TWF1: variants seen among roughly 807,000 people sequenced by gnomAD.
TWF1 encodes twinfilin actin binding protein 1.
A neutral mutation model predicts 47.9 loss-of-function variants in TWF1; 14 were observed. That is an observed-to-expected ratio of 0.29 (90% CI 0.19 to 0.46). The LOEUF (loss-of-function observed/expected upper bound fraction) is 0.46, where lower values mean the gene tolerates loss of function less well. TWF1 is among the 20% of genes least tolerant of loss of function. TWF1 has a pLI of 1.00. For missense variants in TWF1, 281 were observed against 409.3 expected, an observed-to-expected ratio of 0.69 and a Z score of 2.70; for synonymous variants, 96 against 139.2, an observed-to-expected ratio of 0.69 and a Z score of 2.18.
chr12:43,802,955 A>G (rs975933687), intron 2 of TWF1, among the ~76,000 whole-genome samples: 1 of 152,170 alleles, frequency 6.6e-6, no homozygotes, highest in African/African-American at 2.4e-5. Flanking sequence ...AGATGTATAC[A>G]CTGGTATAGC....
At chr12:43,795,857 A>C (rs545743516) in intron 8 of TWF1, 102 bp from the exon 9 acceptor site, 13 of 1,174,858 alleles carry the variant, frequency 1.1e-5, no homozygotes, top group Middle Eastern at 5.2e-4. Context: ...CTTTCCAGTA[A>C]GGCAGAATCA....
At chr12:43,797,943 A>G in intron 5 of TWF1, 110 bp from the exon 6 acceptor site, 2 of 1,126,486 alleles carry the variant, frequency 1.8e-6, no homozygotes, top group East Asian at 2.5e-5. Flanking sequence ...AGCCCAACCT[A>G]TAATTAAAAT....
intron 5 of TWF1, chr12:43,798,621 TA>T (rs35482343): frequency 0.19 from 218,586 of 1,167,544 alleles, 1 homozygote; most frequent in East Asian, 0.26. Context: ...ATCAAACTCG[TA>T]AAAAAAAAAA....
intron 1 of TWF1, 192 bp downstream of exon 1, chr12:43,806,029 G>A (rs1385447427): frequency 6.6e-7 from 1 of 1,521,206 alleles, no homozygotes; most frequent in Admixed American, 2.0e-5. Flanking sequence ...GCAGGGACCG[G>A]GCTGGAGGAG....
At position 43,797,468 on chromosome 12, in the gene TWF1, A is replaced by T; in HGVS notation, c.610-16T>A. On this transcript the variant is annotated splice_polypyrimidine_tract_variant and intron_variant, in intron 6 of 8. Coordinates refer to ENST00000395510, the MANE Select transcript of TWF1 (RefSeq NM_002822.5). ...TATCTATTTCCTGCCAATAAGAAACAAAATATGTTCATTAAAACCAGATAT... is the reference window on the plus strand; with the variant it reads ...TATCTATTTCCTGCCAATAAGAAACTAAATATGTTCATTAAAACCAGATAT... The T allele has an allele frequency of 6.4e-7, 1 of 1,556,214 alleles. No individual in the cohort carries two copies.
chr12:43,803,881 A>G (rs1355413615), intron 2 of TWF1, among the ~76,000 whole-genome samples: 1 of 152,120 alleles, frequency 6.6e-6, no homozygotes, highest in East Asian at 1.9e-4. Flanking sequence ...ATATTTTAAT[A>G]TATTCATTTA....
chr12:43,798,190 G>A (rs1020769811), intron 5 of TWF1, among the ~76,000 whole-genome samples: 2 of 152,058 alleles, frequency 1.3e-5, no homozygotes, highest in African/African-American at 4.8e-5. Context: ...CATACAATAT[G>A]TATAGAACTT....
intron 4 of TWF1, among the ~76,000 whole-genome samples, chr12:43,799,719 T>C (rs749785768): frequency 5.9e-5 from 9 of 152,092 alleles, no homozygotes; most frequent in Admixed American, 1.3e-4. Context: ...TGAAGCTTTA[T>C]AATTACTAAA....
chr12:43,805,418 A>G (rs549330109), intron 1 of TWF1: 18 of 383,446 alleles, frequency 4.7e-5, no homozygotes, highest in Non-Finnish European at 8.5e-5. Flanking sequence ...TTCATCTGGG[A>G]GAAAGACTCG....
intron 5 of TWF1, chr12:43,798,484 T>C: frequency 7.2e-7 from 1 of 1,392,694 alleles, no homozygotes; most frequent in Non-Finnish European, 9.5e-7. Context: ...GAAATTTTAC[T>C]TTTAAAAAAA....
chr12:43,805,955 G>A (rs1025380061), intron 1 of TWF1: 19 of 1,540,018 alleles, frequency 1.2e-5, no homozygotes, highest in Non-Finnish European at 1.7e-5. Context: ...CTTCAACCAG[G>A]CCGCCTCGAA....
intron 1 of TWF1, chr12:43,805,751 T>C (rs1299269740): frequency 2.3e-6 from 3 of 1,316,860 alleles, no homozygotes; most frequent in South Asian, 1.1e-5. Flanking sequence ...CCTACTGATG[T>C]GAGAAAGATT....
chr12:43,795,592 G>A lies in TWF1; in HGVS notation c.1046C>T (p.Thr349Ile). ...IRGPAETEATTD is the reference protein window; with the variant it reads ...IRGPAETEATID ...ATGTTTAATGTGATGACTTTAATCA[G>A]TAGTAGCTTCAGTTTCCGCTGGGCC... Residue 349 changes from threonine to isoleucine, a missense_variant, in exon 9 of 9, where the codon ACT becomes ATT. Coordinates refer to ENST00000395510, the MANE Select transcript of TWF1 (RefSeq NM_002822.5). 3.1e-6 allele frequency: 5 copies of A among 1,611,848 alleles called. No homozygotes were observed. Among genetic ancestry groups the A allele is most frequent in the Non-Finnish European group, 4.2e-6 (5 of 1,179,770 alleles).
rs371828139 is a variant in TWF1, at chr12:43,797,266, C to G, written c.760+36G>C. Reference sequence around the variant, plus strand: ...TAGGGCTGATACACCAATAAACAAACTGAAAGTAATGTGTTAAAAACAATG... The same window carrying G: ...TAGGGCTGATACACCAATAAACAAAGTGAAAGTAATGTGTTAAAAACAATG... On this transcript the variant is annotated intron_variant, in intron 7 of 8. Coordinates refer to ENST00000395510, the MANE Select transcript of TWF1 (RefSeq NM_002822.5). 5.2e-6 allele frequency: 8 copies of G among 1,545,290 alleles called. No individual in the cohort carries two copies. In the African/African-American group the frequency reaches 8.3e-5, roughly 16 times the overall value.
At chr12:43,796,872 G>A (rs1280097641) in intron 8 of TWF1, 104 bp downstream of exon 8, 2 of 1,279,378 alleles carry the variant, frequency 1.6e-6, no homozygotes, top group Non-Finnish European at 1.1e-6. Context: ...ATGATAACAA[G>A]AAAAATAAAT....
Position 43,796,980 on chromosome 12 carries a change from C to A in TWF1, c.878G>T (p.Arg293Ile). The stretch of plus-strand genomic sequence containing the variant: ...ATTTTAAAATAGGTGGGCTACCTTT[C>A]TAATTACATCCATTTGTAGTTGTCT... ...VERQLQMDVI[R>I]KIEIDNGDEL... The change falls in exon 8 of 9, where the codon AGA (arginine) becomes ATA (isoleucine). Residue 293 changes from arginine to isoleucine, a missense_variant. Arg to Ile is a moderately conservative substitution (Grantham distance 97). Transcript: ENST00000395510. 6.2e-7 allele frequency: 1 copy of A among 1,606,828 alleles called. No individual in the cohort carries two copies. Among genetic ancestry groups the A allele is most frequent in the Non-Finnish European group, 8.5e-7 (1 of 1,178,448 alleles).
intron 3 of TWF1, among the ~76,000 whole-genome samples, chr12:43,801,888 G>T (rs1942668075): frequency 6.6e-6 from 1 of 152,158 alleles, no homozygotes; most frequent in Non-Finnish European, 1.5e-5. Context: ...AAATTAGCTG[G>T]GCGTGGTGGC....
intron 4 of TWF1, among the ~76,000 whole-genome samples, chr12:43,800,089 T>A (rs1402426821): frequency 6.6e-6 from 1 of 152,138 alleles, no homozygotes; most frequent in Non-Finnish European, 1.5e-5. Flanking sequence ...TCCACTAGAT[T>A]ATATGACTTT....
At chr12:43,799,361 C>T (rs1942616460) in intron 5 of TWF1, 37 bp downstream of exon 5, 1 of 1,358,538 alleles carries the variant, frequency 7.4e-7, no homozygotes, top group Non-Finnish European at 1.0e-6. Context: ...TTTTCAAACA[C>T]TTAAAATCTT....
Sources: allele counts gnomAD v4.1 joint callset (sites outside exome capture counted in the v4.1 genomes callset), GRCh38; gene constraint gnomAD v4.1.1; transcripts MANE v1.5; gene names NCBI Gene and HGNC (gene_info 2026-07-23, HGNC 2026-07-21).